The following DLGAP1 variants were observed in gnomAD, a reference collection of about 807,000 sequenced individuals.
DLGAP1 encodes the protein DLG associated protein 1.
DLGAP1 carries 11 observed loss-of-function variants against 90.8 expected under a neutral mutation model. The observed-to-expected ratio is 0.12, with a 90% CI of 0.08 to 0.20. DLGAP1 has a LOEUF of 0.20. Among genes scored for constraint, DLGAP1 ranks in the 10% least tolerant of loss-of-function variants. The pLI, the probability that DLGAP1 is intolerant of heterozygous loss-of-function variation, is 1.00. For missense variants in DLGAP1, 1,050 were observed against 1,333.8 expected, an observed-to-expected ratio of 0.79 and a Z score of 3.31; for synonymous variants, 558 against 540.7, an observed-to-expected ratio of 1.03 and a Z score of -0.44.
rs1223977761 is a variant in DLGAP1 at position 3,600,997 on chromosome 18, TATATAGATATAG to T, written c.1592-18761_1592-18750del. The stretch of plus-strand genomic sequence containing the variant: ...AGATATATAGATATAGATATATAGA[TATATAGATATAG>T]ATAGATATATAGATATATAGATATA... On this transcript the variant is annotated intron_variant, in intron 7 of 12. Transcript: ENST00000315677. 2.7e-4 allele frequency among the ~76,000 whole-genome samples: 37 copies of T among 135,384 alleles called. 1 individual carries two copies. The East Asian group carries it at 4.0e-3, about 15-fold the overall frequency. The allele number at this position is 135,384 out of a possible 152,430, so 88.8% of individuals were successfully genotyped here.
At chr18:3,863,842 T>C (rs1033749899) in intron 4 of DLGAP1, among the ~76,000 whole-genome samples, 1 of 152,248 alleles carries the variant, frequency 6.6e-6, no homozygotes, top group African/African-American at 2.4e-5. Flanking sequence ...CCTATCCTCA[T>C]ACCATTGGTT....
In DLGAP1 at chr18:4,342,823, T is replaced by G. The variant is rs1344579723; in HGVS notation, c.-267+112183A>C. ...TAGACAGAAAATCTTTACAAATTTTTTGATTTAATTGTTTACAACAATTCA... is the reference window on the plus strand; with the variant it reads ...TAGACAGAAAATCTTTACAAATTTTGTGATTTAATTGTTTACAACAATTCA... On this transcript the variant is annotated intron_variant, in intron 1 of 12. Coordinates refer to ENST00000315677, the MANE Select transcript of DLGAP1 (RefSeq NM_004746.4). This position sits in a 1 kb window ranked among gnomAD's most constrained non-coding sequence, Gnocchi z 5.8. Among the ~76,000 whole-genome samples the G allele has an allele frequency of 6.6e-6, 1 of 152,202 alleles. No individual in the cohort carries two copies. Among genetic ancestry groups the G allele is most frequent in the Non-Finnish European group, 1.5e-5 (1 of 68,034 alleles).
intron 1 of DLGAP1, among the ~76,000 whole-genome samples, chr18:4,166,811 C>T (rs903755218): frequency 6.6e-6 from 1 of 152,160 alleles, no homozygotes; most frequent in African/African-American, 2.4e-5. Flanking sequence ...TTTCCATTTA[C>T]ACAAGGTTCC....
At chr18:4,071,039 A>AT (rs2075439773) in intron 2 of DLGAP1, among the ~76,000 whole-genome samples, 1 of 152,122 alleles carries the variant, frequency 6.6e-6, no homozygotes, top group Non-Finnish European at 1.5e-5. Context: ...GAGAAATGTG[A>AT]TTTTTCAATC....
intron 10 of DLGAP1, among the ~76,000 whole-genome samples, chr18:3,532,286 A>G (rs2052056729): frequency 6.6e-6 from 1 of 151,708 alleles, no homozygotes; most frequent in South Asian, 2.1e-4. Context: ...ATGTTTAAAA[A>G]TGTTCATAAT....
chr18:3,836,849 G>A (rs3850803), intron 4 of DLGAP1, among the ~76,000 whole-genome samples: 84,699 of 152,096 alleles, frequency 0.56, 25,172 homozygotes, highest in East Asian at 0.73. Context: ...GGTCCCCTGC[G>A]AAGAGCAGGG....
At chr18:3,789,129 T>C (rs560203156) in intron 5 of DLGAP1, among the ~76,000 whole-genome samples, 2 of 152,300 alleles carry the variant, frequency 1.3e-5, no homozygotes, top group African/African-American at 2.4e-5. Flanking sequence ...TCGCTGTGAG[T>C]CTAGCAGGGG....
chr18:4,106,558 A>G (rs1303606362), intron 2 of DLGAP1, among the ~76,000 whole-genome samples: 2 of 152,222 alleles, frequency 1.3e-5, no homozygotes, highest in African/African-American at 2.4e-5. Context: ...GTTTGCTAAA[A>G]TAAATGCATA....
chr18:3,950,632 G>C (rs1000927328), intron 3 of DLGAP1, among the ~76,000 whole-genome samples: 1 of 152,196 alleles, frequency 6.6e-6, no homozygotes, highest in Non-Finnish European at 1.5e-5. Flanking sequence ...AACATTCATT[G>C]AGAACAGAAC....
intron 9 of DLGAP1, among the ~76,000 whole-genome samples, chr18:3,549,288 G>A (rs558627599): frequency 1.5e-4 from 22 of 150,908 alleles, no homozygotes; most frequent in African/African-American, 5.1e-4. Context: ...TGAAGATTTA[G>A]ATTTCTCTCA....
At position 3,846,173 on chromosome 18, in the gene DLGAP1, C is replaced by T. The variant is rs2148661033; in HGVS notation, c.958-31900G>A. Among the ~76,000 whole-genome samples, 2 of 151,880 alleles carry T rather than the reference C, an allele frequency of 1.3e-5. 1 individual carries two copies. The highest frequency in any genetic ancestry group is 4.1e-4 in the South Asian group (2 of 4,824). On this transcript the variant is annotated intron_variant, in intron 4 of 12. Transcript: ENST00000315677. ...TTAAGTGGGCAGCATTTACTAAAAT[C>T]CAGCTTTACTGAGTGCAATCTGCAA...
chr18:3,623,638 G>A lies in DLGAP1; in HGVS notation c.1592-41390C>T, dbSNP rs144953424. ...CTAAAAATACAAAAATCAGCCGGGC[G>A]TGGTGGCGCATGCCTGTAATCCCAG... On this transcript the variant is annotated intron_variant, in intron 7 of 12. Coordinates refer to ENST00000315677, the MANE Select transcript of DLGAP1 (RefSeq NM_004746.4). Among the ~76,000 whole-genome samples the A allele has an allele frequency of 6.7e-3, 1,024 of 152,108 alleles. 10 individuals carry two copies. The highest frequency in any genetic ancestry group is 0.023 in the African/African-American group (973 of 41,510).
chr18:3,898,615 C>G (rs946241683), intron 3 of DLGAP1, among the ~76,000 whole-genome samples: 1 of 152,256 alleles, frequency 6.6e-6, no homozygotes, highest in East Asian at 1.9e-4. Context: ...TACAGCACAG[C>G]TGGGGATGGG....
chr18:4,296,544 C>T (rs2143158315), intron 1 of DLGAP1, among the ~76,000 whole-genome samples: 1 of 152,326 alleles, frequency 6.6e-6, no homozygotes, highest in African/African-American at 2.4e-5. Context: ...CCTCCTTCAA[C>T]CTTGAGTCAT....
intron 7 of DLGAP1, among the ~76,000 whole-genome samples, chr18:3,726,208 T>C (rs569181462): frequency 3.3e-5 from 5 of 152,296 alleles, no homozygotes; most frequent in Admixed American, 2.6e-4. Flanking sequence ...TAAACCGAGA[T>C]GTGCATCTGA....
At chr18:3,694,390 T>C (rs1329499419) in intron 7 of DLGAP1, among the ~76,000 whole-genome samples, 1 of 152,182 alleles carries the variant, frequency 6.6e-6, no homozygotes, top group Non-Finnish European at 1.5e-5. Flanking sequence ...TATAATCCTT[T>C]GGTATATACT....
chr18:4,221,755 T>A (rs1035145514), intron 1 of DLGAP1, among the ~76,000 whole-genome samples: 1 of 152,172 alleles, frequency 6.6e-6, no homozygotes, highest in Admixed American at 6.6e-5. Context: ...TGTACATGAC[T>A]TTTTGCCTCC....
At chr18:3,678,566 CCATTA>C (rs1329424281) in intron 7 of DLGAP1, among the ~76,000 whole-genome samples, 1 of 152,058 alleles carries the variant, frequency 6.6e-6, no homozygotes, top group East Asian at 1.9e-4. Context: ...CTTAGAGTCC[CCATTA>C]CATTAAATAA....
intron 7 of DLGAP1, among the ~76,000 whole-genome samples, chr18:3,631,335 T>A (rs1231429887): frequency 6.6e-6 from 1 of 152,184 alleles, no homozygotes; most frequent in Non-Finnish European, 1.5e-5. Context: ...AATCCACATA[T>A]TTAACTTACT....
Sources: gnomAD v4.1 joint callset for allele counts (sites outside exome capture counted in the v4.1 genomes callset) on GRCh38, gnomAD v4.1.1 for gene constraint, Gnocchi (gnomAD v3.1) non-coding constraint, MANE v1.5 for transcripts, NCBI Gene and HGNC (gene_info 2026-07-23, HGNC 2026-07-21) for gene names.